Variants in GNL3L observed in about 807,000 individuals in gnomAD.
GNL3L encodes the protein guanine nucleotide-binding protein-like 3-like protein.
Under a neutral mutation model 42.9 loss-of-function variants are expected in GNL3L, and 4 were observed. The observed-to-expected ratio is 0.09, with a 90% CI of 0.05 to 0.21. GNL3L has a LOEUF of 0.21. GNL3L is among the 10% of genes least tolerant of loss of function. The pLI is 1.00. For synonymous variants in GNL3L, 159 were observed against 176.3 expected (o/e 0.90, Z 0.78); for missense variants, 412 against 481.7 (o/e 0.86, Z 1.36).
chrX:54,551,844 T>C lies in GNL3L; in HGVS notation c.1051T>C (p.Tyr351His). 8.3e-7 allele frequency: 1 copy of C among 1,211,500 alleles called. No homozygotes were observed. The highest frequency in any genetic ancestry group is 1.1e-6 in the Non-Finnish European group (1 of 895,108). ...RCNLEEISNYYGVSGFQTTEH... is the reference protein window; with the variant it reads ...RCNLEEISNYHGVSGFQTTEH... ...CTCCCTTCACCAGATTTCCAACTAT[T>C]ATGGCGTCTCTGGGTTCCAGACCAC... Residue 351 changes from tyrosine (Y) to histidine (H), a missense_variant, in exon 12 of 16, where the codon TAT (tyrosine) becomes CAT (histidine). Physicochemically the swap from Tyr to His is moderately conservative, Grantham distance 83. Coordinates refer to ENST00000360845, the MANE Select transcript of GNL3L (RefSeq NM_001184819.2).
exon 17 of GNL3L, among the ~76,000 whole-genome samples, chrX:54,621,385 A>C (rs993857090): frequency 2.7e-5 from 3 of 111,784 alleles, no homozygotes; most frequent in Non-Finnish European, 3.8e-5. Context: ...AGTATCGACT[A>C]TAAGCCATTT....
intron 5 of GNL3L, among the ~76,000 whole-genome samples, chrX:54,542,500 T>A (rs1924653238): frequency 9.0e-6 from 1 of 111,372 alleles, no homozygotes; most frequent in Non-Finnish European, 1.9e-5. Context: ...TCTATCATTG[T>A]TGGACATTTG....
At chrX:54,586,163 A>C (rs1025888296) in intron 16 of GNL3L, among the ~76,000 whole-genome samples, 2 of 111,389 alleles carry the variant, frequency 1.8e-5, no homozygotes, top group African/African-American at 6.5e-5. Context: ...CTGGGCCAAG[A>C]TCACCTTGGA....
exon 17 of GNL3L, among the ~76,000 whole-genome samples, chrX:54,621,100 C>A (rs183343205): frequency 8.9e-6 from 1 of 112,073 alleles, no homozygotes; most frequent in African/African-American, 3.2e-5. Context: ...TGAGACCTTA[C>A]CATTTCCCCA....
chrX:54,531,443 G>A (rs915227686), intron 1 of GNL3L, among the ~76,000 whole-genome samples: 1 of 110,971 alleles, frequency 9.0e-6, no homozygotes, highest in Non-Finnish European at 1.9e-5. Flanking sequence ...TCCACCCAGG[G>A]TAGAATCACA....
At chrX:54,545,981 T>G (rs895940565) in intron 8 of GNL3L, among the ~76,000 whole-genome samples, 11 of 112,557 alleles carry the variant, frequency 9.8e-5, no homozygotes, top group Middle Eastern at 4.6e-3. Flanking sequence ...CCTGAGTACC[T>G]TGGACTATAA....
intron 14 of GNL3L, among the ~76,000 whole-genome samples, chrX:54,557,515 ACCTGCACCTCCTGGGTTCAAGTGATT>A (rs1925133324): frequency 9.0e-6 from 1 of 111,103 alleles, no homozygotes; most frequent in African/African-American, 3.3e-5. Flanking sequence ...GCTCACTGCA[ACCTGCACCTCCTGGGTTCAAGTGATT>A]CTCCTGCCTC....
chrX:54,552,013 C>T (rs1329936642), intron 12 of GNL3L, 39 bp downstream of exon 12: 1 of 1,181,403 alleles, frequency 8.5e-7, no homozygotes, highest in Non-Finnish European at 1.1e-6. Flanking sequence ...GGCCCGCTGG[C>T]AGCCTGGCTC....
chrX:54,567,293 A>G (rs762108260), downstream of GNL3L, among the ~76,000 whole-genome samples: 1 of 110,417 alleles, frequency 9.1e-6, no homozygotes, highest in Non-Finnish European at 1.9e-5. Flanking sequence ...TGTCTAATAT[A>G]TATGTCTGCA....
intron 8 of GNL3L, among the ~76,000 whole-genome samples, chrX:54,546,347 C>T (rs774096235): frequency 9.0e-6 from 1 of 111,328 alleles, no homozygotes; most frequent in African/African-American, 3.3e-5. Flanking sequence ...ATCGTTATAA[C>T]CTGGGCTTCC....
intron 3 of GNL3L, 31 bp from the exon 4 acceptor site, chrX:54,540,104 C>T: frequency 1.0e-6 from 1 of 987,923 alleles, no homozygotes; most frequent in Non-Finnish European, 1.4e-6. Flanking sequence ...GGTTCATTAC[C>T]TCTGTTTTTT....
chrX:54,598,491 G>A (rs906069485), intron 16 of GNL3L, among the ~76,000 whole-genome samples: 5 of 111,598 alleles, frequency 4.5e-5, no homozygotes, highest in Non-Finnish European at 7.5e-5. Context: ...AAATTAGAAG[G>A]CACATCAAAA....
intron 16 of GNL3L, among the ~76,000 whole-genome samples, chrX:54,583,718 T>C (rs374687697): frequency 9.0e-6 from 1 of 111,093 alleles, no homozygotes; most frequent in East Asian, 2.8e-4. Flanking sequence ...CACAGCTCAC[T>C]GCAGCCTCGA....
chrX:54,544,284 C>T lies in GNL3L; in HGVS notation c.588C>T (p.Thr196=), dbSNP rs370518301. The change falls in exon 8 of 16, where the codon ACC becomes ACT. Residue 196 remains threonine, a synonymous_variant. Coordinates refer to ENST00000360845, the MANE Select transcript of GNL3L (RefSeq NM_001184819.2). ...ATTACCTTCGGAATGAGTTGCCAAC[C>T]GTGGCTTTCAAGGCCAGTACCCAGC... The part of the protein sequence containing the change: ...WLDYLRNELP[T]VAFKASTQHQ... 71 of 1,189,412 alleles carry T rather than the reference C, an allele frequency of 6.0e-5. No individual in the cohort carries two copies. In the African/African-American group the frequency reaches 1.0e-3, roughly 17 times the overall value.
chrX:54,639,201 C>T, the GNL3L span, among the ~76,000 whole-genome samples: 3 of 111,597 alleles, frequency 2.7e-5, no homozygotes, highest in Non-Finnish European at 3.8e-5. Flanking sequence ...CCCACCTTGG[C>T]CTCCCAAAGT....
At chrX:54,569,869 G>A (rs1238659811), downstream of GNL3L, among the ~76,000 whole-genome samples, 1 of 112,064 alleles carries the variant, frequency 8.9e-6, no homozygotes, top group Non-Finnish European at 1.9e-5. Flanking sequence ...ATTTTCCAGA[G>A]ATCTTTCTGC....
intron 16 of GNL3L, among the ~76,000 whole-genome samples, chrX:54,607,097 CTTTCTTTCTT>C (rs1926102022): frequency 3.6e-5 from 2 of 55,525 alleles, no homozygotes; most frequent in African/African-American, 1.6e-4. Context: ...TTCTTTCTTT[CTTTCTTTCTT>C]TCTTTCTTTC....
the GNL3L span, among the ~76,000 whole-genome samples, chrX:54,642,460 T>C: frequency 1.8e-5 from 2 of 111,831 alleles, no homozygotes; most frequent in Admixed American, 1.9e-4. Flanking sequence ...TCCAGCTACA[T>C]TGGCCTCTGT....
intron 16 of GNL3L, among the ~76,000 whole-genome samples, chrX:54,608,501 C>T (rs924249943): frequency 9.6e-6 from 1 of 104,130 alleles, no homozygotes; most frequent in East Asian, 3.2e-4. Context: ...TATCCCTTGC[C>T]CCCCTCCTAC....
Sources: allele counts gnomAD v4.1 joint callset (sites outside exome capture counted in the v4.1 genomes callset), GRCh38; gene constraint gnomAD v4.1.1; transcripts MANE v1.5; gene names NCBI Gene and HGNC (gene_info 2026-07-23, HGNC 2026-07-21).